The following RICTOR variants were observed in gnomAD, a reference collection of about 807,000 sequenced individuals.
The protein encoded by RICTOR is rapamycin-insensitive companion of mTOR.
In RICTOR, 49 loss-of-function variants were observed where a neutral mutation model predicts 214.9. That is an observed-to-expected ratio of 0.23 (90% CI 0.18 to 0.29). The LOEUF (loss-of-function observed/expected upper bound fraction) is 0.29, where lower values mean the gene tolerates loss of function less well. Ranked by LOEUF, RICTOR falls within the 10% of genes least tolerant of loss-of-function variation. The pLI, the probability that RICTOR is intolerant of heterozygous loss-of-function variation, is 1.00. For missense variants in RICTOR, 1,625 were observed against 2,047.0 expected (o/e 0.79, Z 3.98); for synonymous variants, 717 against 711.3 (o/e 1.01, Z -0.13).
intron 2 of RICTOR, among the ~76,000 whole-genome samples, chr5:39,057,830 A>G (rs1272298293): frequency 2.6e-5 from 4 of 152,120 alleles, no homozygotes; most frequent in Admixed American, 6.5e-5. Context: ...CAAAGAGTGT[A>G]TGTATAAAAA....
intron 11 of RICTOR, chr5:38,969,730 G>GTGA (rs1455523368): frequency 2.0e-5 from 3 of 148,052 alleles, no homozygotes; most frequent in Non-Finnish European, 4.4e-5. Context: ...GTGCAGTGGC[G>GTGA]TGATCTCGGC....
At chr5:38,992,028 G>C (rs1317936208) in intron 6 of RICTOR, among the ~76,000 whole-genome samples, 1 of 152,042 alleles carries the variant, frequency 6.6e-6, no homozygotes, top group Non-Finnish European at 1.5e-5. Context: ...ACTAATGAAA[G>C]ACACACAATT....
In RICTOR at chr5:38,950,092, A is replaced by G; in HGVS notation, c.3756T>C (p.Cys1252=). 1 of 1,612,636 alleles carries G rather than the reference A, an allele frequency of 6.2e-7. No homozygotes were observed. The change falls in exon 31 of 38, where the codon TGT becomes TGC. Residue 1252 remains cysteine (C), a synonymous_variant. Transcript: ENST00000357387. ...GVDATTMDTD[C]GSMSTVVSTK... ...TACTTACCACAGTACTCATGCTTCC[A>G]CAGTCTGTGTCCATAGTTGTAGCAT...
chr5:38,941,499 A>G lies in RICTOR; in HGVS notation c.*805T>C. On this transcript the variant is annotated 3_prime_UTR_variant, in exon 38 of 38. Coordinates refer to ENST00000357387, the MANE Select transcript of RICTOR (RefSeq NM_152756.5). ...AAAGCGATGAGATGGAAAGTTGATG[A>G]AAGTGGAAGTCCATTGCAAATATAT... The G allele has an allele frequency of 8.6e-6, 2 of 231,684 alleles. No homozygotes were observed. The highest frequency in any genetic ancestry group is 1.2e-4 in the East Asian group (2 of 16,198). The allele number at this position is 231,684 out of a possible 1,614,324, so 14.4% of individuals were successfully genotyped here.
Position 39,074,092 on chromosome 5 carries a change from C to T in RICTOR, c.97+19G>A. On this transcript the variant is annotated intron_variant, in intron 2 of 37. Transcript: ENST00000357387. Reference sequence around the variant, plus strand: ...CCCCAGCAGCGCGCCCTCGCGGCGCCCGCGGCGCCCCGCGTTACCTCGGGT... The same window carrying T: ...CCCCAGCAGCGCGCCCTCGCGGCGCTCGCGGCGCCCCGCGTTACCTCGGGT... 7 of 1,499,078 alleles carry T rather than the reference C, an allele frequency of 4.7e-6. No homozygotes were observed. Among genetic ancestry groups the T allele is most frequent in the Non-Finnish European group, 6.3e-6 (7 of 1,108,348 alleles). The allele number at this position is 1,499,078 out of a possible 1,614,324, so 92.9% of individuals were successfully genotyped here.
Position 39,021,052 on chromosome 5 carries a change from T to C in RICTOR, c.182A>G (p.Asn61Ser). 2 of 1,548,222 alleles carry C rather than the reference T, an allele frequency of 1.3e-6. No homozygotes were observed. Among genetic ancestry groups the C allele is most frequent in the Non-Finnish European group, 1.8e-6 (2 of 1,119,918 alleles). The stretch of plus-strand genomic sequence containing the variant: ...CAAGTTACTTACCTTAGTAAAGTTA[T>C]TCAGATGGCCTAGCTTTCTCATATT... ...VSNMRKLGHL[N>S]NFTKLLCDIG... The change falls in exon 3 of 38, where the codon AAT (asparagine) becomes AGT (serine). Residue 61 changes from asparagine (N) to serine (S), a missense_variant. By Grantham distance (46) the Asn-to-Ser change is conservative (BLOSUM62 1). This residue lies in a region of RICTOR where 258 missense variants were observed against 393.7 expected (regional missense o/e 0.66). Transcript: ENST00000357387.
At chr5:39,012,240 T>C (rs1018586668) in intron 3 of RICTOR, among the ~76,000 whole-genome samples, 2 of 152,196 alleles carry the variant, frequency 1.3e-5, no homozygotes, top group Non-Finnish European at 2.9e-5. Context: ...CTGAGAGAAC[T>C]ATCAGTGGTT....
rs73749406 is a variant in RICTOR, at chr5:39,059,204, G to C, written c.97+14907C>G. Among the ~76,000 whole-genome samples, 895 of 152,154 alleles carry C rather than the reference G, an allele frequency of 5.9e-3. 9 individuals are homozygous for C. Among genetic ancestry groups the C allele is most frequent in the African/African-American group, 0.02 (810 of 41,536 alleles). ...CAGGCATAAGAAGGCAGATACAACA[G>C]AGCATACACTCTTGTTTATCACCAT... On this transcript the variant is annotated intron_variant, in intron 2 of 37. Coordinates refer to ENST00000357387, the MANE Select transcript of RICTOR (RefSeq NM_152756.5).
At chr5:38,972,764 A>G (rs770588532) in intron 10 of RICTOR, among the ~76,000 whole-genome samples, 6 of 152,022 alleles carry the variant, frequency 3.9e-5, no homozygotes, top group Non-Finnish European at 7.4e-5. Context: ...TATTTACGCA[A>G]GAGAAATGAA....
chr5:38,977,004 T>C (rs1751292713), intron 9 of RICTOR, among the ~76,000 whole-genome samples: 1 of 152,208 alleles, frequency 6.6e-6, no homozygotes, highest in Non-Finnish European at 1.5e-5. Flanking sequence ...ATACAGCATA[T>C]AGCAGGCTTG....
At chr5:38,971,730 A>G in intron 11 of RICTOR, 147 bp downstream of exon 11, 1 of 560,604 alleles carries the variant, frequency 1.8e-6, no homozygotes, top group Non-Finnish European at 3.1e-6. Context: ...TTAACTAAGT[A>G]GTAAATATTT....
intron 10 of RICTOR, among the ~76,000 whole-genome samples, chr5:38,973,049 C>T (rs1750917654): frequency 6.6e-6 from 1 of 151,808 alleles, no homozygotes; most frequent in Non-Finnish European, 1.5e-5. Context: ...TATTAAGTTT[C>T]AGAATAGGCA....
At chr5:38,992,456 C>T (rs1020986229) in intron 6 of RICTOR, among the ~76,000 whole-genome samples, 1 of 151,862 alleles carries the variant, frequency 6.6e-6, no homozygotes, top group African/African-American at 2.4e-5. Context: ...CTGAAAAAAC[C>T]GGCAAAATGG....
chr5:38,969,362 T>A (rs1454206205), intron 11 of RICTOR, among the ~76,000 whole-genome samples: 1 of 151,830 alleles, frequency 6.6e-6, no homozygotes, highest in Admixed American at 6.6e-5. Context: ...ACCAAAAAAA[T>A]TTTGAACACC....
In RICTOR at chr5:38,945,543, T is replaced by C; in HGVS notation, c.4581A>G (p.Glu1527=). Reference sequence around the variant, plus strand: ...GGTTGCTGGGCTGGAAACCCAGAATTTCAATACAGACACAATAAAGGCAGT... The same window carrying C: ...GGTTGCTGGGCTGGAAACCCAGAATCTCAATACAGACACAATAAAGGCAGT... ...DDNCLYCVCI[E]ILGFQPSNQL... Residue 1527 remains glutamate (E), a synonymous_variant, in exon 34 of 38, where the codon GAA becomes GAG. Transcript: ENST00000357387. 1.2e-6 allele frequency: 2 copies of C among 1,614,126 alleles called. No homozygotes were observed. Among genetic ancestry groups the C allele is most frequent in the Non-Finnish European group, 1.7e-6 (2 of 1,179,960 alleles).
rs777681163 is a variant in RICTOR, at chr5:38,954,759, G to A, written c.2697+15C>T. 2.8e-6 allele frequency: 4 copies of A among 1,436,018 alleles called. No homozygotes were observed. Among genetic ancestry groups the A allele is most frequent in the Non-Finnish European group, 3.9e-6 (4 of 1,021,648 alleles). The allele number at this position is 1,436,018 out of a possible 1,614,324, so 89.0% of individuals were successfully genotyped here. A position where few individuals can be genotyped will look rare whatever the true frequency, so the allele number is the denominator to read the frequency against. ...ACTATTGTAGCTACTTAAAATAAGT[G>A]AATTATGTTTTTACCTGTACTTCCA... On this transcript the variant is annotated intron_variant, in intron 27 of 37. Transcript: ENST00000357387.
chr5:38,970,591 G>T (rs2150039447), intron 11 of RICTOR: 1 of 152,086 alleles, frequency 6.6e-6, no homozygotes, highest in Admixed American at 6.5e-5. Context: ...GGCACACCTG[G>T]CTAATATTTT....
intron 2 of RICTOR, among the ~76,000 whole-genome samples, chr5:39,067,415 C>T (rs1017175120): frequency 1.3e-5 from 2 of 152,214 alleles, no homozygotes; most frequent in Non-Finnish European, 2.9e-5. Context: ...AGCCCCACCT[C>T]CAGCATTGGG....
chr5:39,073,680 G>A (rs1465145637), intron 2 of RICTOR, among the ~76,000 whole-genome samples: 3 of 152,126 alleles, frequency 2.0e-5, no homozygotes, highest in African/African-American at 7.2e-5. Flanking sequence ...TCTGCTCCGG[G>A]GACGGGGAGG....
Sources: gnomAD v4.1 joint callset for allele counts (sites outside exome capture counted in the v4.1 genomes callset) on GRCh38, gnomAD v4.1.1 for gene constraint, gnomAD v4.1.1 regional missense constraint, MANE v1.5 for transcripts, NCBI Gene and HGNC (gene_info 2026-07-23, HGNC 2026-07-21) for gene names.